The following CAMK4 variants were observed in gnomAD, a reference collection of about 807,000 sequenced individuals.
CAMK4 encodes calcium/calmodulin-dependent protein kinase type IV.
In CAMK4, 22 loss-of-function variants were observed where a neutral mutation model predicts 44.9. The observed-to-expected ratio is 0.49, with a 90% confidence interval of 0.35 to 0.70. The LOEUF is 0.70. Ranked by LOEUF, CAMK4 falls within the 30% of genes least tolerant of loss-of-function variation. The pLI, the probability that CAMK4 is intolerant of heterozygous loss-of-function variation, is 0.01. For synonymous variants in CAMK4, 218 were observed against 215.4 expected (o/e 1.01, Z -0.11); for missense variants, 498 against 586.8 (o/e 0.85, Z 1.56).
intron 5 of CAMK4, among the ~76,000 whole-genome samples, chr5:111,413,609 C>CT (rs1752708188): frequency 6.6e-6 from 1 of 151,428 alleles, no homozygotes; most frequent in South Asian, 2.1e-4. Flanking sequence ...GGAGCTAAAG[C>CT]TATGAATTGT....
chr5:111,453,216 GA>G (rs1239566706), intron 7 of CAMK4, among the ~76,000 whole-genome samples: 1 of 152,158 alleles, frequency 6.6e-6, no homozygotes, highest in Non-Finnish European at 1.5e-5. Context: ...GGTAACATAG[GA>G]AACATTGGAA....
chr5:111,399,254 C>T (rs765721817), intron 5 of CAMK4, among the ~76,000 whole-genome samples: 1 of 152,140 alleles, frequency 6.6e-6, no homozygotes, highest in Non-Finnish European at 1.5e-5. Flanking sequence ...TTGTCATTTC[C>T]TGCCTGGGGA....
At chr5:111,415,245 G>A (rs1752775738) in intron 5 of CAMK4, among the ~76,000 whole-genome samples, 1 of 152,146 alleles carries the variant, frequency 6.6e-6, no homozygotes, top group African/African-American at 2.4e-5. Context: ...CCCCACCCAG[G>A]ATGTGACTCC....
At chr5:111,473,676 T>C (rs77496684) in intron 8 of CAMK4, among the ~76,000 whole-genome samples, 3,518 of 152,290 alleles carry the variant, frequency 0.023, 144 homozygotes, top group African/African-American at 0.081. Context: ...GTAAAGAATA[T>C]GAGCCCAAGA....
At chr5:111,296,551 TATCAA>T (rs1747491586) in intron 1 of CAMK4, among the ~76,000 whole-genome samples, 1 of 152,256 alleles carries the variant, frequency 6.6e-6, no homozygotes, top group Non-Finnish European at 1.5e-5. Context: ...ATGATTGTTT[TATCAA>T]ATAAGTATGT....
chr5:111,235,842 G>T (rs76676917), intron 1 of CAMK4, among the ~76,000 whole-genome samples: 1,777 of 152,238 alleles, frequency 0.012, 33 homozygotes, highest in African/African-American at 0.041. Flanking sequence ...AGTGATCCTC[G>T]GGGAGCCACC....
chr5:111,254,579 A>T (rs1749657941), intron 1 of CAMK4, among the ~76,000 whole-genome samples: 1 of 152,216 alleles, frequency 6.6e-6, no homozygotes, highest in Non-Finnish European at 1.5e-5. Context: ...AGAAATTAAC[A>T]TATTGAGAAG....
rs115656410 is a variant in CAMK4 at position 111,393,717 on chromosome 5, G to A, written c.387-993G>A. Among the ~76,000 whole-genome samples, 944 of 152,122 alleles carry A rather than the reference G, an allele frequency of 6.2e-3. 5 individuals are homozygous for A. The highest frequency in any genetic ancestry group is 0.021 in the African/African-American group (875 of 41,492). On this transcript the variant is annotated intron_variant, in intron 4 of 10. Coordinates refer to ENST00000282356, the MANE Select transcript of CAMK4 (RefSeq NM_001744.6). ...AACACACACTGGGGCCTATAAGAGGGTGGAGGTTGGGAGGAAGGAGAGAGA... is the reference window on the plus strand; with the variant it reads ...AACACACACTGGGGCCTATAAGAGGATGGAGGTTGGGAGGAAGGAGAGAGA...
chr5:111,398,040 G>C (rs1317415496), intron 5 of CAMK4, among the ~76,000 whole-genome samples: 1 of 152,068 alleles, frequency 6.6e-6, no homozygotes, highest in Admixed American at 6.6e-5. Flanking sequence ...TGTAAAGACA[G>C]CCAGCAGCCT....
chr5:111,352,566 T>C (rs560619222), intron 2 of CAMK4, among the ~76,000 whole-genome samples: 2 of 148,268 alleles, frequency 1.3e-5, no homozygotes, highest in Non-Finnish European at 3.0e-5. Context: ...TGGAGGAGGC[T>C]GAGAAGTCCA....
chr5:111,254,207 A>G (rs1274465983), intron 1 of CAMK4, among the ~76,000 whole-genome samples: 2 of 152,342 alleles, frequency 1.3e-5, no homozygotes, highest in Middle Eastern at 3.4e-3. Context: ...CTAGGGTATA[A>G]CCAGCTCTGC....
intron 2 of CAMK4, among the ~76,000 whole-genome samples, chr5:111,352,533 G>A (rs1580636730): frequency 6.6e-6 from 1 of 151,842 alleles, no homozygotes; most frequent in East Asian, 2.0e-4. Flanking sequence ...TTTATAATGA[G>A]CACAAATTTA....
At chr5:111,224,379 C>G, upstream of CAMK4, 1 of 1,393,962 alleles carries the variant, frequency 7.2e-7, no homozygotes, top group East Asian at 3.1e-5. The surrounding 1 kb of genome is among the most constrained non-coding windows in gnomAD (Gnocchi z 5.7). Context: ...TGAAGGACGC[C>G]GCCTCTCTCT....
At chr5:111,394,812 C>A in intron 5 of CAMK4, 30 bp downstream of exon 5, 1 of 1,362,922 alleles carries the variant, frequency 7.3e-7, no homozygotes, top group Non-Finnish European at 1.0e-6. Flanking sequence ...AATGGTGTAA[C>A]TCTTAGTCAT....
intron 1 of CAMK4, among the ~76,000 whole-genome samples, chr5:111,262,888 T>C (rs901055447): frequency 3.9e-5 from 6 of 152,256 alleles, no homozygotes; most frequent in African/African-American, 1.4e-4. Context: ...TAAAGGTGAA[T>C]GTATTTATCA....
rs530085796 is a variant in CAMK4, at chr5:111,270,276, A to G, written c.161+45632A>G. On this transcript the variant is annotated intron_variant, in intron 1 of 10. Coordinates refer to ENST00000282356, the MANE Select transcript of CAMK4 (RefSeq NM_001744.6). ...AAAAGGTTACGTAAAACCCCTCCTCATTAAGGCTTTCACCATCCTATCTGC... is the reference window on the plus strand; with the variant it reads ...AAAAGGTTACGTAAAACCCCTCCTCGTTAAGGCTTTCACCATCCTATCTGC... 5.9e-5 allele frequency among the ~76,000 whole-genome samples: 9 copies of G among 152,334 alleles called. 1 individual carries two copies. Among genetic ancestry groups the G allele is most frequent in the Admixed American group, 5.2e-4 (8 of 15,306 alleles).
intron 5 of CAMK4, among the ~76,000 whole-genome samples, chr5:111,442,963 T>G (rs1299575283): frequency 1.3e-5 from 2 of 149,926 alleles, no homozygotes; most frequent in Non-Finnish European, 3.0e-5. Flanking sequence ...AAACAAAAAC[T>G]CTTTGGGGTT....
rs377122601 is a variant in CAMK4, at chr5:111,350,500, C to T, written c.240+6398C>T. On this transcript the variant is annotated intron_variant, in intron 2 of 10. Transcript: ENST00000282356. ...TAATGTGGCACACAATAAGGATTTC[C>T]CATCCTGTGACCTTCTACTTAGGTA... is the stretch of plus-strand genomic sequence containing the variant. 1.9e-4 allele frequency among the ~76,000 whole-genome samples: 29 copies of T among 151,948 alleles called. No homozygotes were observed. The East Asian group carries it at 4.9e-3, about 25-fold the overall frequency.
intron 7 of CAMK4, among the ~76,000 whole-genome samples, chr5:111,458,395 G>A (rs1444806064): frequency 8.5e-5 from 13 of 152,166 alleles, no homozygotes; most frequent in African/African-American, 2.2e-4. Flanking sequence ...TATTGGTTTC[G>A]TACTGCCCTG....
Sources: gnomAD v4.1 joint callset for allele counts (sites outside exome capture counted in the v4.1 genomes callset) on GRCh38, gnomAD v4.1.1 for gene constraint, Gnocchi (gnomAD v3.1) non-coding constraint, MANE v1.5 for transcripts, NCBI Gene and HGNC (gene_info 2026-07-23, HGNC 2026-07-21) for gene names.